KIRREL3: variants seen among roughly 807,000 people sequenced by gnomAD.
KIRREL3 encodes the protein kin of IRRE-like protein 3.
In KIRREL3, 36 loss-of-function variants were observed where a neutral mutation model predicts 89.7. The observed-to-expected ratio is 0.40, with a 90% CI of 0.31 to 0.53. The LOEUF is 0.53. Among genes scored for constraint, KIRREL3 ranks in the 20% least tolerant of loss-of-function variants. The pLI is 0.49. For synonymous variants in KIRREL3, 445 were observed against 441.4 expected (o/e 1.01, Z -0.10); for missense variants, 864 against 1,056.6 (o/e 0.82, Z 2.53).
chr11:126,581,049 C>A (rs1254334000), intron 1 of KIRREL3, among the ~76,000 whole-genome samples: 2 of 152,090 alleles, frequency 1.3e-5, no homozygotes, highest in Admixed American at 1.3e-4. Flanking sequence ...GCCTGCAATG[C>A]CAGTTTAAAG....
chr11:126,938,132 C>A (rs1341270309), intron 1 of KIRREL3, among the ~76,000 whole-genome samples: 1 of 152,200 alleles, frequency 6.6e-6, no homozygotes, highest in Non-Finnish European at 1.5e-5. Context: ...GTTGCCAAAC[C>A]TATACCTACC....
intron 1 of KIRREL3, among the ~76,000 whole-genome samples, chr11:126,840,506 C>A (rs1169926167): frequency 6.6e-6 from 1 of 152,210 alleles, no homozygotes; most frequent in Non-Finnish European, 1.5e-5. Context: ...AAAGGCCACG[C>A]TTTCCCACCT....
At chr11:126,584,563 G>C (rs1430337037) in intron 1 of KIRREL3, among the ~76,000 whole-genome samples, 1 of 152,212 alleles carries the variant, frequency 6.6e-6, no homozygotes, top group Non-Finnish European at 1.5e-5. Flanking sequence ...CAGGCAGAGG[G>C]GAGCAAAGGT....
At chr11:126,712,264 AGTGTGTGTGT>A (rs3045186) in intron 1 of KIRREL3, among the ~76,000 whole-genome samples, 1 of 149,640 alleles carries the variant, frequency 6.7e-6, no homozygotes, top group Non-Finnish European at 1.5e-5. Flanking sequence ...GATAAGGGCG[AGTGTGTGTGT>A]GTGTGTGTGT....
chr11:126,953,632 G>GAGAGAA lies in KIRREL3; in HGVS notation c.55+46822_55+46823insTTCTCT, dbSNP rs1347902843. 2.0e-5 allele frequency among the ~76,000 whole-genome samples: 3 copies of GAGAGAA among 151,308 alleles called. No individual in the cohort carries two copies. The highest frequency in any genetic ancestry group is 7.3e-5 in the African/African-American group (3 of 41,146). ...GGAGAGATAGAGAGACAGAGAGAGA[G>GAGAGAA]AACGACCAAGTACGATGACAAGATA... is the stretch of plus-strand genomic sequence containing the variant. On this transcript the variant is annotated intron_variant, in intron 1 of 16. Transcript: ENST00000525144. This position sits in a 1 kb window ranked among gnomAD's most constrained non-coding sequence, Gnocchi z 5.2.
At chr11:126,929,229 AG>A (rs1415751076) in intron 1 of KIRREL3, among the ~76,000 whole-genome samples, 5 of 152,196 alleles carry the variant, frequency 3.3e-5, no homozygotes, top group Admixed American at 3.3e-4. Flanking sequence ...CAAAGTCCCC[AG>A]GAAGTCAAGT....
At chr11:126,868,547 T>C (rs938472045) in intron 1 of KIRREL3, among the ~76,000 whole-genome samples, 1 of 152,212 alleles carries the variant, frequency 6.6e-6, no homozygotes, top group Non-Finnish European at 1.5e-5. Context: ...CCACTCCTGA[T>C]GACTACTAAG....
In KIRREL3 at chr11:126,796,477, A is replaced by G. The variant is rs1950815836; in HGVS notation, c.55+203978T>C. On this transcript the variant is annotated intron_variant, in intron 1 of 16. Transcript: ENST00000525144. This position sits in a 1 kb window ranked among gnomAD's most constrained non-coding sequence, Gnocchi z 5.1. ...ACTGGCCTTCACCTTAAATATAGCAAGTTACTTGAATGGTGCGATTTGAAA... is the reference window on the plus strand; with the variant it reads ...ACTGGCCTTCACCTTAAATATAGCAGGTTACTTGAATGGTGCGATTTGAAA... Among the ~76,000 whole-genome samples the G allele has an allele frequency of 6.6e-6, 1 of 152,018 alleles. No individual in the cohort carries two copies. The highest frequency in any genetic ancestry group is 1.5e-5 in the Non-Finnish European group (1 of 67,996).
chr11:126,787,988 A>G (rs1420993204), intron 1 of KIRREL3, among the ~76,000 whole-genome samples: 2 of 152,202 alleles, frequency 1.3e-5, no homozygotes, highest in African/African-American at 2.4e-5. Context: ...TATTATCATC[A>G]TCACCCCCAT....
rs115471776 is a variant in KIRREL3 at position 126,574,079 on chromosome 11, C to T, written c.56-11167G>A. Among the ~76,000 whole-genome samples, 1,667 of 152,340 alleles carry T rather than the reference C, an allele frequency of 0.011. 36 individuals are homozygous for T. Among genetic ancestry groups the T allele is most frequent in the African/African-American group, 0.037 (1,547 of 41,566 alleles). ...GCTTCATTCTGAGGGACTAGAACAT[C>T]GGTTGCGGAATGTGGAAACCAGGTT... On this transcript the variant is annotated intron_variant, in intron 1 of 16. Coordinates refer to ENST00000525144, the MANE Select transcript of KIRREL3 (RefSeq NM_032531.4). The surrounding 1 kb of genome is among the most constrained non-coding windows in gnomAD (Gnocchi z 5.3).
Position 126,640,333 on chromosome 11 carries a change from A to AAC in KIRREL3, c.56-77423_56-77422dup, listed in dbSNP as rs1383495227. Among the ~76,000 whole-genome samples, 2 of 152,080 alleles carry AAC rather than the reference A, an allele frequency of 1.3e-5. No individual in the cohort carries two copies. Among genetic ancestry groups the AAC allele is most frequent in the South Asian group, 2.1e-4 (1 of 4,822 alleles). ...GAGGTTGTCAAGACTAACTGAACAC[A>AAC]ACACACACACAGACGCGCGTGTGCG... is the stretch of plus-strand genomic sequence containing the variant. On this transcript the variant is annotated intron_variant, in intron 1 of 16. Transcript: ENST00000525144. This position sits in a 1 kb window ranked among gnomAD's most constrained non-coding sequence, Gnocchi z 4.9.
At chr11:126,821,388 G>A (rs1440436586) in intron 1 of KIRREL3, among the ~76,000 whole-genome samples, 2 of 131,476 alleles carry the variant, frequency 1.5e-5, no homozygotes, top group Non-Finnish European at 3.2e-5. Context: ...TTTGGAAAGG[G>A]CTTACCTGGC....
rs138103049 is a variant in KIRREL3 at position 126,503,045 on chromosome 11, G to A, written c.433+18270C>T. Among the ~76,000 whole-genome samples the A allele has an allele frequency of 7.0e-3, 1,072 of 152,246 alleles. 4 individuals are homozygous for A. Among genetic ancestry groups the A allele is most frequent in the Non-Finnish European group, 0.013 (858 of 68,026 alleles). On this transcript the variant is annotated intron_variant, in intron 4 of 16. Transcript: ENST00000525144. The stretch of plus-strand genomic sequence containing the variant: ...CAGCGCTTAAGTAATAATAATGTCA[G>A]CATTTCACCTGCCTCCCCTTGATTA...
At position 126,441,535 on chromosome 11, in the gene KIRREL3, C is replaced by T. The variant is rs1468443753; in HGVS notation, c.1253-986G>A. On this transcript the variant is annotated intron_variant, in intron 10 of 16. Coordinates refer to ENST00000525144, the MANE Select transcript of KIRREL3 (RefSeq NM_032531.4). The surrounding 1 kb of genome is among the most constrained non-coding windows in gnomAD (Gnocchi z 5.0). ...GGATGGGAGTAGGGACGGAAACTGTCATGCTCCCTTTCCAATCCCTGGGGT... is the reference window on the plus strand; with the variant it reads ...GGATGGGAGTAGGGACGGAAACTGTTATGCTCCCTTTCCAATCCCTGGGGT... 6.6e-6 allele frequency among the ~76,000 whole-genome samples: 1 copy of T among 152,226 alleles called. No individual in the cohort carries two copies. Among genetic ancestry groups the T allele is most frequent in the Non-Finnish European group, 1.5e-5 (1 of 68,040 alleles).
intron 5 of KIRREL3, 130 bp downstream of exon 5, chr11:126,473,179 T>A: frequency 6.7e-6 from 1 of 148,216 alleles, no homozygotes; most frequent in East Asian, 1.9e-4. Flanking sequence ...CCCCTCCTAA[T>A]CCAGCCCCCG....
At chr11:126,450,812 AGT>A (rs1319002828) in intron 7 of KIRREL3, among the ~76,000 whole-genome samples, 16 of 128,696 alleles carry the variant, frequency 1.2e-4, no homozygotes, top group South Asian at 2.5e-4. Context: ...TGCATGTGAA[AGT>A]GTGGGCATAT....
At chr11:126,850,519 A>G (rs1944306124) in intron 1 of KIRREL3, among the ~76,000 whole-genome samples, 1 of 152,088 alleles carries the variant, frequency 6.6e-6, no homozygotes, top group South Asian at 2.1e-4. Flanking sequence ...CTCCTCCTCT[A>G]TCCAAACTGC....
At chr11:126,511,184 C>T (rs1478400433) in intron 4 of KIRREL3, among the ~76,000 whole-genome samples, 4 of 152,062 alleles carry the variant, frequency 2.6e-5, no homozygotes, top group East Asian at 1.9e-4. Flanking sequence ...ACAGGCCAGG[C>T]GCAGTGGCTC....
At position 126,623,592 on chromosome 11, in the gene KIRREL3, T is replaced by C. The variant is rs113990688; in HGVS notation, c.56-60680A>G. Among the ~76,000 whole-genome samples the C allele has an allele frequency of 0.022, 3,385 of 151,860 alleles. 127 individuals carry two copies. Among genetic ancestry groups the C allele is most frequent in the African/African-American group, 0.075 (3,121 of 41,360 alleles). The stretch of plus-strand genomic sequence containing the variant: ...AGGTAAGAGTGAGCAAGCAGGATGG[T>C]AAAAGGGATAACAGCTGATGGGCCA... On this transcript the variant is annotated intron_variant, in intron 1 of 16. Transcript: ENST00000525144. The surrounding 1 kb of genome is among the most constrained non-coding windows in gnomAD (Gnocchi z 4.1).
Sources: allele counts gnomAD v4.1 joint callset (sites outside exome capture counted in the v4.1 genomes callset), GRCh38; gene constraint gnomAD v4.1.1; non-coding constraint Gnocchi (gnomAD v3.1); transcripts MANE v1.5; gene names NCBI Gene and HGNC (gene_info 2026-07-23, HGNC 2026-07-21).